The following ITGA2 variants were observed in gnomAD, a reference collection of about 807,000 sequenced individuals.
ITGA2 encodes integrin alpha-2.
ITGA2 carries 101 observed loss-of-function variants against 146.3 expected under a neutral mutation model. The ratio of observed to expected loss-of-function variants is 0.69; its 90% confidence interval spans 0.59 to 0.81. The LOEUF (loss-of-function observed/expected upper bound fraction) is 0.81. ITGA2 is among the 40% of genes least tolerant of loss of function. The pLI, the probability that ITGA2 is intolerant of heterozygous loss-of-function variation, is 0.00. For missense variants in ITGA2, 1,281 were observed against 1,402.7 expected (o/e 0.91, Z 1.39); for synonymous variants, 477 against 487.1 (o/e 0.98, Z 0.27).
chr5:53,018,691 G>A (rs1742521051), intron 1 of ITGA2, among the ~76,000 whole-genome samples: 1 of 152,126 alleles, frequency 6.6e-6, no homozygotes, highest in African/African-American at 2.4e-5. Flanking sequence ...ATTATAGAAA[G>A]CATATAAAAT....
At position 53,092,474 on chromosome 5, in the gene ITGA2, T is replaced by C. The variant is rs535084289; in HGVS notation, c.*1875T>C. ...ATCTGTACTGTTTACAGAATTACTT[T>C]GTAGTTGACAACACAAAACAAACAA... On this transcript the variant is annotated 3_prime_UTR_variant, in exon 30 of 30. Transcript: ENST00000296585. 6.6e-6 allele frequency: 1 copy of C among 152,242 alleles called. No homozygotes were observed. Among genetic ancestry groups the C allele is most frequent in the African/African-American group, 2.4e-5 (1 of 41,532 alleles). The allele number at this position is 152,242 out of a possible 1,614,324, so 9.4% of individuals were successfully genotyped here.
At chr5:53,079,448 A>G (rs1745811964) in intron 24 of ITGA2, among the ~76,000 whole-genome samples, 1 of 152,156 alleles carries the variant, frequency 6.6e-6, no homozygotes, top group Non-Finnish European at 1.5e-5. Context: ...ACTATTAGTA[A>G]GCGATTATTA....
chr5:53,018,909 CA>C (rs1474173553), intron 1 of ITGA2, among the ~76,000 whole-genome samples: 1 of 151,876 alleles, frequency 6.6e-6, no homozygotes, highest in Non-Finnish European at 1.5e-5. Flanking sequence ...ACTAAAAATA[CA>C]AAAATTAGCA....
At chr5:53,089,872 A>G in intron 28 of ITGA2, 74 bp from the exon 29 acceptor site, 1 of 880,434 alleles carries the variant, frequency 1.1e-6, no homozygotes, top group East Asian at 2.4e-5. Flanking sequence ...TTACAGAATT[A>G]GAGAATTGGA....
chr5:53,069,745 C>G (rs531139952), intron 16 of ITGA2, among the ~76,000 whole-genome samples: 1 of 151,896 alleles, frequency 6.6e-6, no homozygotes, highest in Admixed American at 6.6e-5. Flanking sequence ...CGCTCAGCAA[C>G]TGTTCCTTTC....
Position 53,087,060 on chromosome 5 carries a change from T to G in ITGA2, c.3348+19T>G, listed in dbSNP as rs1746192610. The stretch of plus-strand genomic sequence containing the variant: ...TGTTACGGTGAGCATATCACACCCT[T>G]CCCTGTGAGCCTCAGGGTCTGTGAT... On this transcript the variant is annotated intron_variant, in intron 28 of 29. Coordinates refer to ENST00000296585, the MANE Select transcript of ITGA2 (RefSeq NM_002203.4). 6.4e-7 allele frequency: 1 copy of G among 1,562,620 alleles called. No individual in the cohort carries two copies. The highest frequency in any genetic ancestry group is 1.7e-5 in the Admixed American group (1 of 59,892).
At chr5:53,073,405 G>A (rs1745496815) in intron 20 of ITGA2, 146 bp downstream of exon 20, 1 of 892,482 alleles carries the variant, frequency 1.1e-6, no homozygotes, top group African/African-American at 1.7e-5. Flanking sequence ...TAGTTAAACT[G>A]CATGAGAACA....
chr5:53,079,224 G>C (rs991899121), intron 24 of ITGA2, among the ~76,000 whole-genome samples: 2 of 152,152 alleles, frequency 1.3e-5, no homozygotes, highest in East Asian at 3.9e-4. Flanking sequence ...CTTGGGTAAG[G>C]GATACTTGAT....
At chr5:53,041,258 C>CT (rs1471621922) in intron 2 of ITGA2, among the ~76,000 whole-genome samples, 1 of 152,088 alleles carries the variant, frequency 6.6e-6, no homozygotes, top group African/African-American at 2.4e-5. Flanking sequence ...CAGGTGAGTG[C>CT]TTCTGCAAGA....
chr5:53,076,591 C>A (rs766218007), intron 23 of ITGA2, among the ~76,000 whole-genome samples: 4 of 151,968 alleles, frequency 2.6e-5, no homozygotes, highest in Non-Finnish European at 5.9e-5. Context: ...TACCACATTA[C>A]CTGAATTTTT....
chr5:53,012,866 T>G (rs898897977), intron 1 of ITGA2, among the ~76,000 whole-genome samples: 2 of 152,226 alleles, frequency 1.3e-5, no homozygotes, highest in Admixed American at 6.5e-5. Flanking sequence ...TGGAGCATTT[T>G]TTCATATACT....
chr5:53,053,017 C>T (rs978555139), intron 7 of ITGA2, among the ~76,000 whole-genome samples: 4 of 152,132 alleles, frequency 2.6e-5, no homozygotes, highest in Non-Finnish European at 5.9e-5. Context: ...CCACACTGGC[C>T]TTATTCTTTT....
At chr5:53,055,764 C>T in intron 8 of ITGA2, 76 bp downstream of exon 8, 1 of 1,532,444 alleles carries the variant, frequency 6.5e-7, no homozygotes, top group Non-Finnish European at 9.0e-7. Flanking sequence ...CTCAAGGCTG[C>T]ACTTTCCCAT....
At chr5:53,090,124 C>T in intron 29 of ITGA2, 62 bp downstream of exon 29, 1 of 966,186 alleles carries the variant, frequency 1.0e-6, no homozygotes, top group Non-Finnish European at 1.7e-6. Context: ...AATTTGCTTA[C>T]AAAACATCAA....
At chr5:53,059,131 C>T (rs985803382) in intron 10 of ITGA2, among the ~76,000 whole-genome samples, 1 of 151,886 alleles carries the variant, frequency 6.6e-6, no homozygotes, top group Admixed American at 6.6e-5. Context: ...GTATCTCATC[C>T]TCACCAAATC....
intron 5 of ITGA2, 55 bp downstream of exon 5, chr5:53,048,532 GA>G (rs1442273294): frequency 1.9e-6 from 3 of 1,606,666 alleles, no homozygotes; most frequent in East Asian, 4.5e-5. Flanking sequence ...AAAGGAGGGG[GA>G]AAAGGTTATC....
chr5:53,005,461 A>T (rs1285259820), intron 1 of ITGA2, among the ~76,000 whole-genome samples: 1 of 151,982 alleles, frequency 6.6e-6, no homozygotes, highest in Non-Finnish European at 1.5e-5. Context: ...AGGTGCCTGT[A>T]ATCCCAGCTA....
intron 6 of ITGA2, among the ~76,000 whole-genome samples, chr5:53,050,811 G>A (rs1048612362): frequency 6.6e-6 from 1 of 152,182 alleles, no homozygotes; most frequent in Non-Finnish European, 1.5e-5. Flanking sequence ...TTCTCTGAAA[G>A]CCAGAAACTC....
At chr5:53,031,167 TGG>T (rs1401581259) in intron 2 of ITGA2, among the ~76,000 whole-genome samples, 1 of 152,250 alleles carries the variant, frequency 6.6e-6, no homozygotes, top group East Asian at 1.9e-4. Context: ...GTAGCAGATG[TGG>T]GAAGGACTGT....
Sources: gnomAD v4.1 joint callset for allele counts (sites outside exome capture counted in the v4.1 genomes callset) on GRCh38, gnomAD v4.1.1 for gene constraint, MANE v1.5 for transcripts, NCBI Gene and HGNC (gene_info 2026-07-23, HGNC 2026-07-21) for gene names.